Variants in CNTN5 observed in about 807,000 individuals in gnomAD.
CNTN5 encodes the protein contactin 5.
Under a neutral mutation model 129.1 loss-of-function variants are expected in CNTN5, and 77 were observed. That is an observed-to-expected ratio of 0.60 (90% CI 0.50 to 0.72). The LOEUF (loss-of-function observed/expected upper bound fraction) is 0.72. Ranked by LOEUF, CNTN5 falls within the 30% of genes least tolerant of loss-of-function variation. The pLI, the probability that CNTN5 is intolerant of heterozygous loss-of-function variation, is 0.00. For synonymous variants in CNTN5, 509 were observed against 465.6 expected (o/e 1.09, Z -1.20); for missense variants, 1,478 against 1,328.8 (o/e 1.11, Z -1.75).
intron 18 of CNTN5, among the ~76,000 whole-genome samples, chr11:100,276,565 T>TCTTGATAG (rs1043120577): frequency 2.8e-5 from 4 of 145,102 alleles, no homozygotes; most frequent in Non-Finnish European, 6.0e-5. Context: ...AAAGAAACAC[T>TCTTGATAG]CTTGATAGTC....
chr11:100,263,823 C>T (rs1340296176), intron 17 of CNTN5, among the ~76,000 whole-genome samples: 1 of 152,134 alleles, frequency 6.6e-6, no homozygotes, highest in Non-Finnish European at 1.5e-5. Context: ...AATTCATCCT[C>T]TTGCCTACAG....
At chr11:100,187,988 A>C (rs7931432) in intron 13 of CNTN5, among the ~76,000 whole-genome samples, 1 of 152,174 alleles carries the variant, frequency 6.6e-6, no homozygotes, top group Non-Finnish European at 1.5e-5. Context: ...AAAACTATCA[A>C]TATAGTAAAT....
At chr11:99,445,977 G>C (rs1245788481) in intron 2 of CNTN5, among the ~76,000 whole-genome samples, 3 of 151,568 alleles carry the variant, frequency 2.0e-5, no homozygotes, top group Admixed American at 2.0e-4. Flanking sequence ...CCAGCTATTC[G>C]GGAGGCTGAG....
At chr11:99,416,758 G>A (rs779131415) in intron 2 of CNTN5, among the ~76,000 whole-genome samples, 21 of 152,154 alleles carry the variant, frequency 1.4e-4, no homozygotes, top group Non-Finnish European at 2.6e-4. Flanking sequence ...AGAGGCTGGA[G>A]GGAAGTTTTA....
At chr11:99,043,452 A>G (rs1294384015) in intron 1 of CNTN5, among the ~76,000 whole-genome samples, 1 of 152,144 alleles carries the variant, frequency 6.6e-6, no homozygotes, top group Admixed American at 6.5e-5. Context: ...AAGAATAATT[A>G]GAACTTGCAC....
Position 99,778,578 on chromosome 11 carries a change from T to G in CNTN5, c.56-40966T>G, listed in dbSNP as rs548780028. Among the ~76,000 whole-genome samples the G allele has an allele frequency of 2.0e-5, 3 of 151,892 alleles. No individual in the cohort carries two copies. In the South Asian group the frequency reaches 6.2e-4, roughly 31 times the overall value. The stretch of plus-strand genomic sequence containing the variant: ...CCTGTTGAATCCTGTCTAAATAAAT[T>G]AATCTCATAGTCATTGTGATTATGT... On this transcript the variant is annotated intron_variant, in intron 3 of 24. Transcript: ENST00000524871.
chr11:99,231,845 C>T (rs891972810), intron 1 of CNTN5, among the ~76,000 whole-genome samples: 1 of 152,076 alleles, frequency 6.6e-6, no homozygotes, highest in Non-Finnish European at 1.5e-5. Context: ...AGGTAGGGGT[C>T]CAATTTGAAT....
chr11:99,917,681 C>T (rs78192169), intron 7 of CNTN5, among the ~76,000 whole-genome samples: 211 of 151,966 alleles, frequency 1.4e-3, no homozygotes, highest in African/African-American at 4.7e-3. Context: ...GGCTGGGGAA[C>T]GTGTATTTTT....
intron 6 of CNTN5, among the ~76,000 whole-genome samples, chr11:99,894,777 C>T (rs1949161115): frequency 6.6e-6 from 1 of 152,026 alleles, no homozygotes; most frequent in South Asian, 2.1e-4. Flanking sequence ...AATCCAAAGT[C>T]AAATTGGAGA....
chr11:99,502,290 A>AT (rs1301081475), intron 2 of CNTN5, among the ~76,000 whole-genome samples: 2 of 151,812 alleles, frequency 1.3e-5, no homozygotes, highest in Non-Finnish European at 2.9e-5. Flanking sequence ...AAATATTGCT[A>AT]TTTTTTTCTT....
At chr11:100,199,522 A>C (rs7929385) in intron 15 of CNTN5, among the ~76,000 whole-genome samples, 146 of 151,956 alleles carry the variant, frequency 9.6e-4, no homozygotes, top group African/African-American at 3.3e-3. Context: ...ACATACAGTA[A>C]CCATCAACCA....
intron 2 of CNTN5, among the ~76,000 whole-genome samples, chr11:99,491,810 T>G (rs1406849315): frequency 2.0e-5 from 3 of 152,166 alleles, no homozygotes; most frequent in African/African-American, 4.8e-5. Context: ...GTTCCCTTGG[T>G]CTAATGCAGT....
At chr11:99,873,426 C>A (rs1282609692) in intron 6 of CNTN5, among the ~76,000 whole-genome samples, 2 of 151,852 alleles carry the variant, frequency 1.3e-5, no homozygotes, top group Admixed American at 1.3e-4. Context: ...ATTTCACACA[C>A]AAAAAAAGGA....
intron 15 of CNTN5, among the ~76,000 whole-genome samples, chr11:100,208,299 AT>A (rs1948956632): frequency 6.6e-6 from 1 of 152,114 alleles, no homozygotes; most frequent in Admixed American, 6.6e-5. Flanking sequence ...GCCAGAGTAC[AT>A]CTATGGGTCT....
At chr11:100,017,325 G>C (rs1010137617) in intron 9 of CNTN5, among the ~76,000 whole-genome samples, 3 of 151,972 alleles carry the variant, frequency 2.0e-5, no homozygotes, top group Non-Finnish European at 4.4e-5. Flanking sequence ...ATTCTGTTGA[G>C]AGAAAGCATA....
At position 99,680,486 on chromosome 11, in the gene CNTN5, T is replaced by G. The variant is rs1044868242; in HGVS notation, c.55+124217T>G. On this transcript the variant is annotated intron_variant, in intron 3 of 24. Transcript: ENST00000524871. Reference sequence around the variant, plus strand: ...AAGTGTGGATGACAGCACATCTGTTTATAGCATGGTTTACTGAATATTTTA... The same window carrying G: ...AAGTGTGGATGACAGCACATCTGTTGATAGCATGGTTTACTGAATATTTTA... Among the ~76,000 whole-genome samples the G allele has an allele frequency of 3.3e-5, 5 of 151,708 alleles. No individual in the cohort carries two copies. The East Asian group carries it at 9.6e-4, about 29-fold the overall frequency.
chr11:99,788,742 C>T (rs970240210), intron 3 of CNTN5, among the ~76,000 whole-genome samples: 6 of 151,876 alleles, frequency 4.0e-5, no homozygotes, highest in Admixed American at 3.3e-4. Flanking sequence ...ACTCCATCAC[C>T]TCTTGGCCAG....
At chr11:99,070,928 T>C (rs1229012247) in intron 1 of CNTN5, among the ~76,000 whole-genome samples, 1 of 152,148 alleles carries the variant, frequency 6.6e-6, no homozygotes, top group Non-Finnish European at 1.5e-5. Context: ...GGAATGAACA[T>C]GCAAATCATC....
At chr11:99,533,418 A>G (rs145959946) in intron 2 of CNTN5, among the ~76,000 whole-genome samples, 3 of 152,338 alleles carry the variant, frequency 2.0e-5, no homozygotes, top group African/African-American at 7.2e-5. Flanking sequence ...ATCCATTTGT[A>G]TTTTGATTGG....
Sources: gnomAD v4.1 joint callset for allele counts (sites outside exome capture counted in the v4.1 genomes callset) on GRCh38, gnomAD v4.1.1 for gene constraint, MANE v1.5 for transcripts, NCBI Gene and HGNC (gene_info 2026-07-23, HGNC 2026-07-21) for gene names.